The following ZNF423 variants were observed in gnomAD, a reference collection of about 807,000 sequenced individuals.
The protein encoded by ZNF423 is Ebf-associated zinc finger protein.
A neutral mutation model predicts 95.8 loss-of-function variants in ZNF423; 12 were observed. That is an observed-to-expected ratio of 0.13 (90% CI 0.08 to 0.20). The LOEUF is 0.20. Among genes scored for constraint, ZNF423 ranks in the 10% least tolerant of loss-of-function variants. ZNF423 has a pLI of 1.00. For missense variants in ZNF423, 1,316 were observed against 1,737.1 expected (o/e 0.76, Z 4.31); for synonymous variants, 749 against 711.9 (o/e 1.05, Z -0.83).
At chr16:49,789,607 G>A in intron 1 of ZNF423, 61 bp from the exon 2 acceptor site, 1 of 1,534,864 alleles carries the variant, frequency 6.5e-7, no homozygotes, top group Non-Finnish European at 8.8e-7. Context: ...GATCAGGTAA[G>A]GCACAGGGCG....
At chr16:49,623,261 T>C (rs1477474940) in intron 5 of ZNF423, among the ~76,000 whole-genome samples, 1 of 152,156 alleles carries the variant, frequency 6.6e-6, no homozygotes, top group Non-Finnish European at 1.5e-5. Flanking sequence ...AGGGGACCTG[T>C]CCAGCCCCCC....
chr16:49,585,407 C>A (rs1432284669), intron 5 of ZNF423, among the ~76,000 whole-genome samples: 1 of 152,190 alleles, frequency 6.6e-6, no homozygotes. Context: ...AGACCCCCCA[C>A]CCCCACACCC....
At chr16:49,730,597 A>T in intron 3 of ZNF423, 174 bp downstream of exon 3, 2 of 707,326 alleles carry the variant, frequency 2.8e-6, no homozygotes, top group South Asian at 3.9e-5. Context: ...TGTTGCTTTT[A>T]TTTTTAATTG....
chr16:49,653,311 CAAAAAAA>C (rs5816652), intron 3 of ZNF423, among the ~76,000 whole-genome samples: 10 of 99,200 alleles, frequency 1.0e-4, no homozygotes, highest in African/African-American at 2.8e-4. Flanking sequence ...CAAGAACCAC[CAAAAAAA>C]AAAAAAAAAA....
At chr16:49,617,690 T>C (rs1463562585) in intron 5 of ZNF423, among the ~76,000 whole-genome samples, 1 of 152,086 alleles carries the variant, frequency 6.6e-6, no homozygotes, top group Non-Finnish European at 1.5e-5. Context: ...CCTGTTACCT[T>C]TGGAGCCTTC....
chr16:49,771,256 G>A (rs1405285180), intron 2 of ZNF423, among the ~76,000 whole-genome samples: 1 of 135,614 alleles, frequency 7.4e-6, no homozygotes, highest in Non-Finnish European at 1.5e-5. Flanking sequence ...AGGCTGGAGT[G>A]CAATGGTGTG....
intron 1 of ZNF423, among the ~76,000 whole-genome samples, chr16:49,804,636 C>T (rs565503181): frequency 6.6e-6 from 1 of 152,152 alleles, no homozygotes; most frequent in Admixed American, 6.5e-5. Flanking sequence ...TCACCTCCTC[C>T]AAGAAGTCTT....
At chr16:49,499,249 G>A (rs1265856030) in intron 7 of ZNF423, among the ~76,000 whole-genome samples, 4 of 152,348 alleles carry the variant, frequency 2.6e-5, no homozygotes, top group African/African-American at 2.4e-5. Context: ...TTCCATGCAC[G>A]GGATGTGCGT....
At chr16:49,754,310 C>T (rs2143591529) in intron 2 of ZNF423, among the ~76,000 whole-genome samples, 1 of 152,332 alleles carries the variant, frequency 6.6e-6, no homozygotes, top group South Asian at 2.1e-4. Context: ...AACCTCCATC[C>T]AGGGTCATTG....
At position 49,603,382 on chromosome 16, in the gene ZNF423, T is replaced by C. The variant is rs1334411889; in HGVS notation, c.3601+22788A>G. ...TTCCTGAATTTAGAAAAGCCCAGCA[T>C]ATGGTTTTATACCCTACTGTCACTG... On this transcript the variant is annotated intron_variant, in intron 5 of 7. Coordinates refer to ENST00000563137, the MANE Select transcript of ZNF423 (RefSeq NM_001379286.1). The surrounding 1 kb of genome is among the most constrained non-coding windows in gnomAD (Gnocchi z 4.1). Among the ~76,000 whole-genome samples the C allele has an allele frequency of 6.6e-6, 1 of 152,150 alleles. No individual in the cohort carries two copies. The highest frequency in any genetic ancestry group is 1.5e-5 in the Non-Finnish European group (1 of 68,016).
intron 5 of ZNF423, among the ~76,000 whole-genome samples, chr16:49,619,720 A>G (rs1042346714): frequency 1.2e-4 from 18 of 152,246 alleles, no homozygotes; most frequent in African/African-American, 4.3e-4. Flanking sequence ...TTAAGGTTAG[A>G]CAGATGTTTT....
chr16:49,743,877 G>A (rs1596957837), intron 2 of ZNF423, among the ~76,000 whole-genome samples: 1 of 152,190 alleles, frequency 6.6e-6, no homozygotes, highest in East Asian at 1.9e-4. Flanking sequence ...CCACGTTCCA[G>A]GGAATACGGA....
intron 2 of ZNF423, among the ~76,000 whole-genome samples, chr16:49,762,265 C>T (rs2033845472): frequency 6.6e-6 from 1 of 152,220 alleles, no homozygotes; most frequent in Non-Finnish European, 1.5e-5. Context: ...TTGTATTAGT[C>T]ATGGTGCACG....
intron 2 of ZNF423, among the ~76,000 whole-genome samples, chr16:49,757,859 G>A (rs2033756140): frequency 6.6e-6 from 1 of 152,130 alleles, no homozygotes. Context: ...ATGACGCACA[G>A]GATCTCCTTT....
At chr16:49,618,402 G>T (rs1475410047) in intron 5 of ZNF423, among the ~76,000 whole-genome samples, 1 of 152,180 alleles carries the variant, frequency 6.6e-6, no homozygotes, top group African/African-American at 2.4e-5. Flanking sequence ...TGGAGGGAGA[G>T]ACCTGTAATC....
chr16:49,680,240 C>G lies in ZNF423; in HGVS notation c.302-41366G>C, dbSNP rs144234411. On this transcript the variant is annotated intron_variant, in intron 3 of 7. Transcript: ENST00000563137. The stretch of plus-strand genomic sequence containing the variant: ...CTGCAGGTGTCCTCTCAGCTGAGAG[C>G]TGGGCACTTGTTGGGCGACCTGCCC... Among the ~76,000 whole-genome samples, 891 of 152,324 alleles carry G rather than the reference C, an allele frequency of 5.8e-3. 11 individuals carry two copies. Among genetic ancestry groups the G allele is most frequent in the African/African-American group, 0.02 (819 of 41,588 alleles).
chr16:49,659,208 C>G (rs1358847920), intron 3 of ZNF423, among the ~76,000 whole-genome samples: 1 of 152,196 alleles, frequency 6.6e-6, no homozygotes, highest in Admixed American at 6.5e-5. Flanking sequence ...CCCACCTCAG[C>G]CTCCCAAGTA....
chr16:49,606,580 G>A (rs1346006851), intron 5 of ZNF423, among the ~76,000 whole-genome samples: 1 of 152,194 alleles, frequency 6.6e-6, no homozygotes, highest in African/African-American at 2.4e-5. Flanking sequence ...TCAGGTCCCA[G>A]AGGGAGAACC....
intron 1 of ZNF423, among the ~76,000 whole-genome samples, chr16:49,831,681 G>A (rs984797261): frequency 1.3e-5 from 2 of 152,170 alleles, no homozygotes; most frequent in African/African-American, 4.8e-5. Context: ...AGGGAAGAGC[G>A]CTGCACAGTG....
Sources: gnomAD v4.1 joint callset for allele counts (sites outside exome capture counted in the v4.1 genomes callset) on GRCh38, gnomAD v4.1.1 for gene constraint, Gnocchi (gnomAD v3.1) non-coding constraint, MANE v1.5 for transcripts, NCBI Gene and HGNC (gene_info 2026-07-23, HGNC 2026-07-21) for gene names.